Variants in GRIK3 observed in about 807,000 individuals in gnomAD.
GRIK3 encodes glutamate receptor ionotropic, kainate 3.
Under a neutral mutation model 102.5 loss-of-function variants are expected in GRIK3, and 29 were observed. The ratio of observed to expected loss-of-function variants is 0.28; its 90% CI spans 0.21 to 0.39. GRIK3 has a LOEUF of 0.39. GRIK3 is among the 10% of genes least tolerant of loss of function. GRIK3 has a pLI of 1.00. For synonymous variants in GRIK3, 511 were observed against 504.9 expected (o/e 1.01, Z -0.16); for missense variants, 908 against 1,252.4 (o/e 0.73, Z 4.15).
intron 1 of GRIK3, among the ~76,000 whole-genome samples, chr1:36,902,216 C>T (rs1023171283): frequency 1.3e-5 from 2 of 152,140 alleles, no homozygotes; most frequent in African/African-American, 4.8e-5. Flanking sequence ...TATTTTGTGG[C>T]TATTGACAAA....
chr1:36,895,725 T>G (rs1301615403), intron 1 of GRIK3, among the ~76,000 whole-genome samples: 1 of 151,926 alleles, frequency 6.6e-6, no homozygotes, highest in Non-Finnish European at 1.5e-5. Context: ...AGTAATGACT[T>G]TCCTCAAATT....
At chr1:36,812,178 TG>T (rs1435858260) in intron 13 of GRIK3, among the ~76,000 whole-genome samples, 3 of 152,086 alleles carry the variant, frequency 2.0e-5, no homozygotes, top group Non-Finnish European at 4.4e-5. Flanking sequence ...GTCATGCAGC[TG>T]GGAGGCAGGG....
At chr1:36,935,835 C>G (rs1376383323) in intron 1 of GRIK3, among the ~76,000 whole-genome samples, 3 of 152,178 alleles carry the variant, frequency 2.0e-5, no homozygotes, top group African/African-American at 7.2e-5. Flanking sequence ...CAGAGGCAGG[C>G]AGGAAAATGT....
At chr1:36,973,998 TC>T (rs1642170600) in intron 1 of GRIK3, among the ~76,000 whole-genome samples, 1 of 152,200 alleles carries the variant, frequency 6.6e-6, no homozygotes, top group African/African-American at 2.4e-5. Context: ...AGCTTCTCTG[TC>T]CTCCAGTGAG....
intron 1 of GRIK3, among the ~76,000 whole-genome samples, chr1:36,904,241 G>A (rs535279693): frequency 1.3e-5 from 2 of 152,348 alleles, no homozygotes; most frequent in South Asian, 4.1e-4. Context: ...TAACACTTAA[G>A]TGTGTACGCG....
intron 1 of GRIK3, among the ~76,000 whole-genome samples, chr1:36,970,222 C>T (rs992376686): frequency 6.6e-6 from 1 of 152,190 alleles, no homozygotes; most frequent in African/African-American, 2.4e-5. Context: ...CTCTCTGCTA[C>T]GAGCTGGAAT....
intron 14 of GRIK3, among the ~76,000 whole-genome samples, chr1:36,805,600 T>TCACA (rs1236293135): frequency 1.3e-5 from 2 of 152,164 alleles, no homozygotes; most frequent in Non-Finnish European, 2.9e-5. Flanking sequence ...AGGGCCACCC[T>TCACA]CACAAGGCAT....
chr1:37,007,452 A>G (rs769598677), intron 1 of GRIK3, among the ~76,000 whole-genome samples: 1 of 152,138 alleles, frequency 6.6e-6, no homozygotes, highest in Admixed American at 6.5e-5. Context: ...AACCTGCTAG[A>G]GGAGGTGGGA....
chr1:36,957,540 C>CT (rs1557440561), intron 1 of GRIK3, among the ~76,000 whole-genome samples: 4 of 10,154 alleles, frequency 3.9e-4, no homozygotes, highest in African/African-American at 7.1e-4. Flanking sequence ...TGCCCCGTGT[C>CT]CTGTGCCCCG....
At chr1:36,832,841 G>A (rs907663539) in intron 10 of GRIK3, among the ~76,000 whole-genome samples, 1 of 152,224 alleles carries the variant, frequency 6.6e-6, no homozygotes, top group Non-Finnish European at 1.5e-5. Flanking sequence ...CCTGACAGTT[G>A]TATTAGCCCA....
At chr1:36,865,176 A>G (rs1466595665) in intron 5 of GRIK3, among the ~76,000 whole-genome samples, 3 of 152,162 alleles carry the variant, frequency 2.0e-5, no homozygotes, top group African/African-American at 4.8e-5. Context: ...ATTTATTATA[A>G]TTCTTTTTTC....
chr1:36,883,799 T>C lies in GRIK3; in HGVS notation c.293-2908A>G, dbSNP rs537284316. Among the ~76,000 whole-genome samples, 8 of 152,310 alleles carry C rather than the reference T, an allele frequency of 5.3e-5. No individual in the cohort carries two copies. In the South Asian group the frequency reaches 1.7e-3, roughly 32 times the overall value. ...AGATTGATCCAGATTGATCCAGAGG[T>C]ACAGGGTAGTTTTGAATCCATCAGA... On this transcript the variant is annotated intron_variant, in intron 2 of 15. Transcript: ENST00000373091.
intron 1 of GRIK3, among the ~76,000 whole-genome samples, chr1:36,988,228 T>A (rs529534209): frequency 4.0e-5 from 6 of 151,842 alleles, no homozygotes; most frequent in Non-Finnish European, 8.8e-5. Context: ...GAGGTGGAGG[T>A]TGCAGTGAGC....
rs114380096 is a variant in GRIK3 at position 36,959,595 on chromosome 1, T to C, written c.116-68499A>G. On this transcript the variant is annotated intron_variant, in intron 1 of 15. Coordinates refer to ENST00000373091, the MANE Select transcript of GRIK3 (RefSeq NM_000831.4). Reference sequence around the variant, plus strand: ...TGAGCCTGTGTGCCCCATGACTCTGTACCCCATGAGCCTGTGTGCCCCGTA... The same window carrying C: ...TGAGCCTGTGTGCCCCATGACTCTGCACCCCATGAGCCTGTGTGCCCCGTA... Among the ~76,000 whole-genome samples, 914 of 126,410 alleles carry C rather than the reference T, an allele frequency of 7.2e-3. 48 individuals are homozygous for C. Among genetic ancestry groups the C allele is most frequent in the African/African-American group, 0.024 (872 of 36,338 alleles). The allele number at this position is 126,410 out of a possible 152,430, so 82.9% of individuals were successfully genotyped here.
chr1:36,844,320 C>A (rs1640495304), intron 9 of GRIK3, among the ~76,000 whole-genome samples: 1 of 152,222 alleles, frequency 6.6e-6, no homozygotes, highest in African/African-American at 2.4e-5. Flanking sequence ...TCCAACCAAG[C>A]AGGCAGCTCA....
At chr1:36,986,409 T>C (rs1642305417) in intron 1 of GRIK3, among the ~76,000 whole-genome samples, 1 of 140,600 alleles carries the variant, frequency 7.1e-6, no homozygotes, top group East Asian at 2.1e-4. Flanking sequence ...CCTGTCCCCA[T>C]CTCTCTGTCC....
At position 36,977,040 on chromosome 1, in the gene GRIK3, G is replaced by T. The variant is rs115828383; in HGVS notation, c.115+56954C>A. On this transcript the variant is annotated intron_variant, in intron 1 of 15. Transcript: ENST00000373091. ...TCCTGCTTGGTCACTCCCTCCAGAG[G>T]CTGGCTGTCAGTCCCCTCCCCTCCC... 3.0e-3 allele frequency among the ~76,000 whole-genome samples: 449 copies of T among 152,194 alleles called. 2 individuals carry two copies. Among genetic ancestry groups the T allele is most frequent in the African/African-American group, 0.01 (434 of 41,512 alleles).
intron 5 of GRIK3, among the ~76,000 whole-genome samples, chr1:36,861,424 C>T (rs941796304): frequency 2.6e-5 from 4 of 152,162 alleles, no homozygotes; most frequent in South Asian, 4.1e-4. Flanking sequence ...CCCCTGGGCC[C>T]CCCACTTAGT....
intron 1 of GRIK3, among the ~76,000 whole-genome samples, chr1:36,915,443 T>C (rs1237951981): frequency 1.3e-5 from 2 of 152,166 alleles, no homozygotes; most frequent in Non-Finnish European, 2.9e-5. Context: ...CATACAAGTA[T>C]AAACAAGCAT....
Sources: gnomAD v4.1 joint callset for allele counts (sites outside exome capture counted in the v4.1 genomes callset) on GRCh38, gnomAD v4.1.1 for gene constraint, MANE v1.5 for transcripts, NCBI Gene and HGNC (gene_info 2026-07-23, HGNC 2026-07-21) for gene names.